PDE4B: variants seen among roughly 807,000 people sequenced by gnomAD.
PDE4B encodes 3',5'-cyclic-AMP phosphodiesterase 4B.
In PDE4B, 20 loss-of-function variants were observed where a neutral mutation model predicts 82.2. The ratio of observed to expected loss-of-function variants is 0.24; its 90% CI spans 0.17 to 0.35. PDE4B has a LOEUF of 0.35. Ranked by LOEUF, PDE4B falls within the 10% of genes least tolerant of loss-of-function variation. PDE4B has a pLI of 1.00. For synonymous variants in PDE4B, 320 were observed against 318.9 expected (o/e 1.00, Z -0.04); for missense variants, 655 against 907.2 (o/e 0.72, Z 3.57).
intron 3 of PDE4B, among the ~76,000 whole-genome samples, chr1:66,200,256 G>C (rs1206858207): frequency 6.6e-6 from 1 of 152,294 alleles, no homozygotes. Context: ...TAGCCTTATA[G>C]TATAGTTTGA....
rs532585787 is a variant in PDE4B at position 65,878,700 on chromosome 1, G to A, written c.-70-34545G>A. Among the ~76,000 whole-genome samples, 12 of 152,148 alleles carry A rather than the reference G, an allele frequency of 7.9e-5. No homozygotes were observed. The South Asian group carries it at 2.5e-3, about 32-fold the overall frequency. On this transcript the variant is annotated intron_variant, in intron 1 of 16. Transcript: ENST00000341517. ...GAACAATGAGAACACATGGACACAG[G>A]GAGGGGAACATCACACACCAGAGCC...
At position 66,350,782 on chromosome 1, in the gene PDE4B, A is replaced by G. The variant is rs767222320; in HGVS notation, c.748-4745A>G. Among the ~76,000 whole-genome samples the G allele has an allele frequency of 5.9e-5, 9 of 152,336 alleles. 3 individuals carry two copies. Among genetic ancestry groups the G allele is most frequent in the Admixed American group, 6.5e-5 (1 of 15,294 alleles). On this transcript the variant is annotated intron_variant, in intron 8 of 16. Transcript: ENST00000341517. ...TCAAACTAATTCTCCCATGAGAAAT[A>G]TAGAAAAGTGAAGAAGTGTCCTATC...
intron 3 of PDE4B, among the ~76,000 whole-genome samples, chr1:66,192,579 G>A (rs1414816914): frequency 1.3e-5 from 2 of 152,104 alleles, no homozygotes; most frequent in Non-Finnish European, 2.9e-5. Flanking sequence ...ATTACCCCTA[G>A]CGGAGTCTCA....
At chr1:65,806,574 C>T (rs2101181490) in intron 1 of PDE4B, among the ~76,000 whole-genome samples, 1 of 152,296 alleles carries the variant, frequency 6.6e-6, no homozygotes, top group South Asian at 2.1e-4. Context: ...AATCCTGAGT[C>T]ACTAATATCT....
chr1:66,199,405 G>A (rs559859041), intron 3 of PDE4B, among the ~76,000 whole-genome samples: 2 of 152,096 alleles, frequency 1.3e-5, no homozygotes, highest in East Asian at 3.9e-4. Context: ...TGCATAAATG[G>A]CTTCTTTTGA....
intron 3 of PDE4B, among the ~76,000 whole-genome samples, chr1:66,207,313 T>C (rs573788577): frequency 1.9e-4 from 29 of 152,300 alleles, no homozygotes; most frequent in African/African-American, 7.0e-4. Flanking sequence ...ACTAGCAAGA[T>C]TAAAGCCAAT....
intron 1 of PDE4B, among the ~76,000 whole-genome samples, chr1:65,817,738 G>T (rs982745202): frequency 2.0e-5 from 3 of 152,042 alleles, no homozygotes; most frequent in Non-Finnish European, 4.4e-5. Flanking sequence ...CATTTTGTTT[G>T]CATCTTTAGA....
chr1:66,029,223 A>G (rs1330612594), intron 3 of PDE4B, among the ~76,000 whole-genome samples: 1 of 152,182 alleles, frequency 6.6e-6, no homozygotes, highest in East Asian at 1.9e-4. Context: ...GAAACCCTTA[A>G]TAAACCCATC....
intron 1 of PDE4B, among the ~76,000 whole-genome samples, chr1:65,826,657 C>G (rs923774441): frequency 3.3e-5 from 5 of 152,006 alleles, no homozygotes; most frequent in African/African-American, 1.2e-4. Context: ...AAAATTGTAG[C>G]CTGAGAGAAC....
chr1:66,359,432 G>T (rs1662573707), intron 9 of PDE4B, among the ~76,000 whole-genome samples: 1 of 152,152 alleles, frequency 6.6e-6, no homozygotes, highest in African/African-American at 2.4e-5. Flanking sequence ...TCCACACTGT[G>T]CTGGCTAAGC....
chr1:66,235,436 A>C (rs1021409727), intron 3 of PDE4B, among the ~76,000 whole-genome samples: 2 of 152,190 alleles, frequency 1.3e-5, no homozygotes, highest in Non-Finnish European at 2.9e-5. Flanking sequence ...CTCTTTTATC[A>C]TTATGAAATC....
chr1:66,300,502 C>T (rs12137080), intron 7 of PDE4B, among the ~76,000 whole-genome samples: 66,155 of 151,988 alleles, frequency 0.44, 16,340 homozygotes, highest in Non-Finnish European at 0.56. Context: ...TGAGGGAGGG[C>T]GATTTGGAGT....
In PDE4B at chr1:66,240,715, C is replaced by T. The variant is rs76773102; in HGVS notation, c.282-6745C>T. On this transcript the variant is annotated intron_variant, in intron 3 of 16. Transcript: ENST00000341517. ...ACAGTGCCTTGTTTCATAGTGGGTGCTTGCTAAATATTTGTTGAGTAAATG... is the reference window on the plus strand; with the variant it reads ...ACAGTGCCTTGTTTCATAGTGGGTGTTTGCTAAATATTTGTTGAGTAAATG... Among the ~76,000 whole-genome samples, 528 of 152,294 alleles carry T rather than the reference C, an allele frequency of 3.5e-3. 1 individual carries two copies. The highest frequency in any genetic ancestry group is 0.012 in the African/African-American group (490 of 41,554).
intron 3 of PDE4B, among the ~76,000 whole-genome samples, chr1:66,215,329 G>A (rs571989463): frequency 4.4e-4 from 67 of 152,212 alleles, no homozygotes; most frequent in African/African-American, 1.4e-3. Context: ...AAAATCCTAG[G>A]CCTGGGAGAT....
intron 1 of PDE4B, among the ~76,000 whole-genome samples, chr1:65,860,914 T>C (rs1263192291): frequency 6.6e-6 from 1 of 152,198 alleles, no homozygotes; most frequent in Non-Finnish European, 1.5e-5. Flanking sequence ...TTCTTGTAAA[T>C]TTGTTTAAAT....
At chr1:66,370,489 C>T (rs1026020736) in intron 16 of PDE4B, among the ~76,000 whole-genome samples, 3 of 152,190 alleles carry the variant, frequency 2.0e-5, no homozygotes, top group Non-Finnish European at 4.4e-5. Context: ...CAGCAGCTCT[C>T]TCATCCAAAG....
chr1:66,082,889 C>A (rs1656815040), intron 3 of PDE4B, among the ~76,000 whole-genome samples: 1 of 151,890 alleles, frequency 6.6e-6, no homozygotes, highest in Non-Finnish European at 1.5e-5. Flanking sequence ...AGTTCAGAAT[C>A]TAGTGGGAGA....
intron 7 of PDE4B, among the ~76,000 whole-genome samples, chr1:66,324,508 G>A (rs995154639): frequency 6.6e-6 from 1 of 152,156 alleles, no homozygotes; most frequent in African/African-American, 2.4e-5. Context: ...AGATATGCAA[G>A]TGAAAGTGCT....
chr1:66,301,230 C>T (rs1221749105), intron 7 of PDE4B, among the ~76,000 whole-genome samples: 2 of 152,072 alleles, frequency 1.3e-5, no homozygotes, highest in Non-Finnish European at 2.9e-5. Flanking sequence ...TAAGGGCTCT[C>T]ATTTCTCATT....
Sources: allele counts gnomAD v4.1 joint callset (sites outside exome capture counted in the v4.1 genomes callset), GRCh38; gene constraint gnomAD v4.1.1; transcripts MANE v1.5; gene names NCBI Gene and HGNC (gene_info 2026-07-23, HGNC 2026-07-21).